Variants in CNIH3 observed in about 807,000 individuals in gnomAD.
CNIH3 encodes cornichon family AMPA receptor auxiliary protein 3.
CNIH3 carries 14 observed loss-of-function variants against 24.1 expected under a neutral mutation model. The observed-to-expected ratio is 0.58, with a 90% CI of 0.38 to 0.91. The LOEUF (loss-of-function observed/expected upper bound fraction) is 0.91. Among genes scored for constraint, CNIH3 ranks in the 40% least tolerant of loss-of-function variants. CNIH3 has a pLI of 0.00. For synonymous variants in CNIH3, 68 were observed against 73.8 expected (o/e 0.92, Z 0.40); for missense variants, 178 against 196.8 (o/e 0.90, Z 0.57).
intron 1 of CNIH3, among the ~76,000 whole-genome samples, chr1:224,471,012 T>A (rs1418745579): frequency 6.6e-6 from 1 of 152,186 alleles, no homozygotes; most frequent in Non-Finnish European, 1.5e-5. Context: ...TTTACTATAG[T>A]CACCTCGTTG....
intron 1 of CNIH3, among the ~76,000 whole-genome samples, chr1:224,649,051 G>GT (rs1684749318): frequency 6.6e-6 from 1 of 152,192 alleles, no homozygotes; most frequent in Non-Finnish European, 1.5e-5. Context: ...GGGCTCACCA[G>GT]TTGCACTGGG....
intron 1 of CNIH3, chr1:224,454,216 A>G: frequency 2.5e-6 from 2 of 807,972 alleles, no homozygotes; most frequent in Non-Finnish European, 3.0e-6. Context: ...TCTACCCAAT[A>G]TTGTGAGTAG....
At chr1:224,674,976 C>T (rs911035697) in intron 1 of CNIH3, among the ~76,000 whole-genome samples, 6 of 152,116 alleles carry the variant, frequency 3.9e-5, no homozygotes, top group African/African-American at 7.2e-5. Flanking sequence ...CAGGCAGGGC[C>T]GGGCCCCAGG....
intron 3 of CNIH3, among the ~76,000 whole-genome samples, chr1:224,608,759 G>A (rs539758231): frequency 4.6e-5 from 7 of 152,334 alleles, no homozygotes; most frequent in Non-Finnish European, 8.8e-5. Flanking sequence ...TTACCCTGAT[G>A]CTTCCCTTGG....
At chr1:224,564,503 C>A (rs918436681) in intron 3 of CNIH3, among the ~76,000 whole-genome samples, 2 of 152,218 alleles carry the variant, frequency 1.3e-5, no homozygotes, top group Non-Finnish European at 2.9e-5. Context: ...TATTCTCAAC[C>A]CCTCCCACTG....
At chr1:224,655,802 G>T (rs1242709948) in intron 1 of CNIH3, among the ~76,000 whole-genome samples, 1 of 152,140 alleles carries the variant, frequency 6.6e-6, no homozygotes, top group African/African-American at 2.4e-5. Flanking sequence ...CTCTCTCAAC[G>T]GACTAAAATT....
chr1:224,452,991 A>G (rs1244729276), intron 1 of CNIH3, among the ~76,000 whole-genome samples: 3 of 146,668 alleles, frequency 2.0e-5, no homozygotes, highest in Non-Finnish European at 4.5e-5. Flanking sequence ...TTGGTGGCGC[A>G]TGCCTGTAAT....
chr1:224,474,233 G>A (rs1473606351), intron 1 of CNIH3, among the ~76,000 whole-genome samples: 2 of 152,042 alleles, frequency 1.3e-5, no homozygotes, highest in African/African-American at 4.8e-5. Context: ...GCATGGTGGT[G>A]CATGCCTGTA....
rs1680987365 is a variant in CNIH3 at position 224,575,265 on chromosome 1, G to A, written n.517-7899G>A. On this transcript the variant is annotated intron_variant and non_coding_transcript_variant, in intron 4 of 5. Coordinates refer to the CNIH3 transcript ENST00000471578. ...AGAATGCATTGCTGAGAACTTTAAG[G>A]TCTTCAACTTTGAACTGAACAGCCA... 7 of 1,234,640 alleles carry A rather than the reference G, an allele frequency of 5.7e-6. No individual in the cohort carries two copies. In the Admixed American group the frequency reaches 6.8e-5, roughly 12 times the overall value. The allele number at this position is 1,234,640 out of a possible 1,614,324, so 76.5% of individuals were successfully genotyped here.
chr1:224,439,119 G>A (rs1674785903), intron 1 of CNIH3, among the ~76,000 whole-genome samples: 1 of 152,134 alleles, frequency 6.6e-6, no homozygotes, highest in African/African-American at 2.4e-5. Context: ...TGGGTGAAGG[G>A]CATAGTCATC....
Position 224,648,429 on chromosome 1 carries a change from AG to A in CNIH3, c.81+31175del, listed in dbSNP as rs1404805557. On this transcript the variant is annotated intron_variant, in intron 1 of 5. Coordinates refer to ENST00000272133, the MANE Select transcript of CNIH3 (RefSeq NM_152495.2). ...CTGTCTCAGGAAAAAAAAAAAAAAA[AG>A]AAAAGAAAATGGTAATGAGACCTGT... is the stretch of plus-strand genomic sequence containing the variant. 2.0e-5 allele frequency among the ~76,000 whole-genome samples: 3 copies of A among 149,592 alleles called. 1 individual carries two copies. Among genetic ancestry groups the A allele is most frequent in the African/African-American group, 7.6e-5 (3 of 39,370 alleles).
intron 3 of CNIH3, among the ~76,000 whole-genome samples, chr1:224,725,499 C>T (rs1056644966): frequency 3.3e-5 from 5 of 152,168 alleles, no homozygotes; most frequent in African/African-American, 1.2e-4. Context: ...AGCTTGTTGT[C>T]TGAGTCGACA....
At chr1:224,593,474 G>A (rs1292820867), downstream of CNIH3, among the ~76,000 whole-genome samples, 1 of 152,174 alleles carries the variant, frequency 6.6e-6, no homozygotes, top group Non-Finnish European at 1.5e-5. Context: ...AAGTCACACA[G>A]CTTGAAAGTG....
chr1:224,591,155 A>T (rs1326430469), downstream of CNIH3, among the ~76,000 whole-genome samples: 2 of 152,236 alleles, frequency 1.3e-5, no homozygotes, highest in Non-Finnish European at 2.9e-5. Context: ...AACAACATGC[A>T]CATTGACACC....
intron 5 of CNIH3, among the ~76,000 whole-genome samples, chr1:224,586,676 T>C (rs1325389581): frequency 6.6e-6 from 1 of 152,218 alleles, no homozygotes; most frequent in African/African-American, 2.4e-5. Flanking sequence ...AACCTCAGAA[T>C]GTAACCTTAT....
chr1:224,495,326 G>A (rs1392217553), intron 1 of CNIH3, among the ~76,000 whole-genome samples: 2 of 152,182 alleles, frequency 1.3e-5, no homozygotes, highest in South Asian at 2.1e-4. Context: ...TATACCTTGA[G>A]TTTTGTCAAT....
intron 3 of CNIH3, among the ~76,000 whole-genome samples, chr1:224,721,615 G>A (rs1688727119): frequency 6.6e-6 from 1 of 152,192 alleles, no homozygotes; most frequent in African/African-American, 2.4e-5. Flanking sequence ...AGTGTGTCTT[G>A]ATGCTGTATG....
intron 1 of CNIH3, among the ~76,000 whole-genome samples, chr1:224,672,678 T>A (rs908289216): frequency 1.2e-4 from 19 of 152,182 alleles, no homozygotes; most frequent in African/African-American, 4.6e-4. Flanking sequence ...CCCCATCTTT[T>A]CTAATTACAC....
At chr1:224,461,117 G>A (rs550566114) in intron 1 of CNIH3, among the ~76,000 whole-genome samples, 2 of 151,110 alleles carry the variant, frequency 1.3e-5, no homozygotes, top group Admixed American at 1.3e-4. Context: ...ATTCTTGTGC[G>A]TTGGCTTCCC....
Sources: gnomAD v4.1 joint callset for allele counts (sites outside exome capture counted in the v4.1 genomes callset) on GRCh38, gnomAD v4.1.1 for gene constraint, MANE v1.5 for transcripts, NCBI Gene and HGNC (gene_info 2026-07-23, HGNC 2026-07-21) for gene names.